Variants in EDIL3 observed in about 807,000 individuals in gnomAD.
The protein encoded by EDIL3 is EGF like and discoidin domains 3.
In EDIL3, 37 loss-of-function variants were observed where a neutral mutation model predicts 67.4. The ratio of observed to expected loss-of-function variants is 0.55; its 90% CI spans 0.42 to 0.72. The LOEUF (loss-of-function observed/expected upper bound fraction) is 0.72. Ranked by LOEUF, EDIL3 falls within the 30% of genes least tolerant of loss-of-function variation. EDIL3 has a pLI of 0.00. For synonymous variants in EDIL3, 195 were observed against 196.3 expected, an observed-to-expected ratio of 0.99 and a Z score of 0.05; for missense variants, 527 against 586.3, an observed-to-expected ratio of 0.90 and a Z score of 1.04.
intron 4 of EDIL3, among the ~76,000 whole-genome samples, chr5:84,156,696 T>C (rs899855194): frequency 6.6e-6 from 1 of 152,138 alleles, no homozygotes; most frequent in African/African-American, 2.4e-5. Flanking sequence ...TCACTATCTC[T>C]TGGCTTAGAT....
At chr5:84,306,686 G>T (rs2112136888) in intron 1 of EDIL3, among the ~76,000 whole-genome samples, 1 of 152,268 alleles carries the variant, frequency 6.6e-6, no homozygotes, top group South Asian at 2.1e-4. Context: ...TTATTATTTT[G>T]TGATATGAAG....
intron 4 of EDIL3, among the ~76,000 whole-genome samples, chr5:84,160,826 CTTTT>C (rs1268526453): frequency 1.9e-5 from 2 of 103,056 alleles, no homozygotes; most frequent in African/African-American, 7.7e-5. Flanking sequence ...TTTCCCTTTC[CTTTT>C]CCTTTCCTTT....
At chr5:84,310,396 T>C (rs943214169) in intron 1 of EDIL3, among the ~76,000 whole-genome samples, 1 of 152,206 alleles carries the variant, frequency 6.6e-6, no homozygotes, top group Admixed American at 6.5e-5. Flanking sequence ...GTCATTATGT[T>C]AAAACCATGT....
At chr5:84,330,735 CT>C (rs1344576188) in intron 1 of EDIL3, among the ~76,000 whole-genome samples, 1 of 152,136 alleles carries the variant, frequency 6.6e-6, no homozygotes, top group Non-Finnish European at 1.5e-5. Flanking sequence ...GCAAGGATGC[CT>C]GCAGTCAAAC....
chr5:84,127,542 A>C (rs958014196), intron 5 of EDIL3, among the ~76,000 whole-genome samples: 1 of 152,090 alleles, frequency 6.6e-6, no homozygotes, highest in Non-Finnish European at 1.5e-5. Context: ...ATTCTGGAAC[A>C]CTTGCAATCT....
In EDIL3 at chr5:84,059,666, C is replaced by CT. The variant is rs1261346570; in HGVS notation, c.1137+633dup. On this transcript the variant is annotated intron_variant, in intron 9 of 10. Coordinates refer to ENST00000296591, the MANE Select transcript of EDIL3 (RefSeq NM_005711.5). ...CTCATTATCGAATTGAGTTGTCTTA[C>CT]TTTTTGCCACAGAAGCCACTAACAA... Among the ~76,000 whole-genome samples, 5 of 152,230 alleles carry CT rather than the reference C, an allele frequency of 3.3e-5. No homozygotes were observed. In the South Asian group the frequency reaches 1.0e-3, roughly 32 times the overall value.
intron 1 of EDIL3, among the ~76,000 whole-genome samples, chr5:84,291,672 C>A (rs532467548): frequency 9.3e-5 from 10 of 107,596 alleles, no homozygotes; most frequent in African/African-American, 1.4e-4. Flanking sequence ...ATATATATAT[C>A]TATCTATATA....
In EDIL3 at chr5:84,256,115, TCTAA is replaced by T. The variant is rs201416817; in HGVS notation, c.68-1907_68-1904del. On this transcript the variant is annotated intron_variant, in intron 1 of 10. Coordinates refer to ENST00000296591, the MANE Select transcript of EDIL3 (RefSeq NM_005711.5). Reference sequence around the variant, plus strand: ...CTTGCTATCATTTATATACTTATCATCTAACTATCTATCTATCTATCTATCTATC... The same window carrying T: ...CTTGCTATCATTTATATACTTATCATCTATCTATCTATCTATCTATCTATC... Among the ~76,000 whole-genome samples the T allele has an allele frequency of 1.4e-3, 148 of 104,474 alleles. 2 individuals carry two copies. Among genetic ancestry groups the T allele is most frequent in the African/African-American group, 5.1e-3 (138 of 27,266 alleles). The allele number at this position is 104,474 out of a possible 152,430, so 68.5% of individuals were successfully genotyped here. A position where few individuals can be genotyped will look rare whatever the true frequency, so the allele number is the denominator to read the frequency against.
intron 1 of EDIL3, among the ~76,000 whole-genome samples, chr5:84,302,559 G>A (rs1403744369): frequency 1.3e-5 from 2 of 152,192 alleles, no homozygotes; most frequent in African/African-American, 2.4e-5. Flanking sequence ...GCCTCGCAAA[G>A]TGCTGAGATT....
chr5:84,126,327 A>C (rs1580339219), intron 5 of EDIL3, among the ~76,000 whole-genome samples: 2 of 152,042 alleles, frequency 1.3e-5, no homozygotes, highest in Non-Finnish European at 2.9e-5. Context: ...TAAACCATTA[A>C]CTCAGGTTTC....
At chr5:84,238,095 G>A (rs918133397) in intron 2 of EDIL3, among the ~76,000 whole-genome samples, 2 of 152,046 alleles carry the variant, frequency 1.3e-5, no homozygotes, top group African/African-American at 4.8e-5. Flanking sequence ...AAAAATAAAT[G>A]GTGATGAATT....
At chr5:84,247,484 T>A (rs1394199411) in intron 2 of EDIL3, among the ~76,000 whole-genome samples, 2 of 152,122 alleles carry the variant, frequency 1.3e-5, no homozygotes, top group Non-Finnish European at 2.9e-5. Context: ...ATTCATAGAG[T>A]GAAATGTACA....
chr5:84,025,598 G>A (rs945704583), intron 9 of EDIL3, among the ~76,000 whole-genome samples: 1 of 152,130 alleles, frequency 6.6e-6, no homozygotes, highest in Admixed American at 6.6e-5. Flanking sequence ...TGGAAAAATT[G>A]TCTTCCACTA....
At chr5:84,338,408 C>T (rs1747031894) in intron 1 of EDIL3, among the ~76,000 whole-genome samples, 1 of 152,152 alleles carries the variant, frequency 6.6e-6, no homozygotes, top group South Asian at 2.1e-4. Flanking sequence ...CATAAAGCAG[C>T]TATAAACTCA....
intron 10 of EDIL3, among the ~76,000 whole-genome samples, chr5:83,958,871 G>A (rs1341640334): frequency 3.3e-5 from 5 of 151,288 alleles, no homozygotes; most frequent in African/African-American, 9.7e-5. Context: ...AAATAAAAAT[G>A]TACCTGAATT....
At chr5:84,258,126 G>C (rs1286806167) in intron 1 of EDIL3, among the ~76,000 whole-genome samples, 1 of 152,132 alleles carries the variant, frequency 6.6e-6, no homozygotes, top group African/African-American at 2.4e-5. Context: ...TATAGATTTT[G>C]TTTAAAATCT....
At position 84,060,244 on chromosome 5, in the gene EDIL3, G is replaced by T. The variant is rs1561418544; in HGVS notation, c.1137+56C>A. 3 of 1,584,142 alleles carry T rather than the reference G, an allele frequency of 1.9e-6. No homozygotes were observed. The Admixed American group carries it at 5.3e-5, about 28-fold the overall frequency. On this transcript the variant is annotated intron_variant, in intron 9 of 10. Coordinates refer to ENST00000296591, the MANE Select transcript of EDIL3 (RefSeq NM_005711.5). Reference sequence around the variant, plus strand: ...ACTCTGACACTCACCTAATCAACAGGAAATCTTCTAAGAAAGAGGAACAGT... The same window carrying T: ...ACTCTGACACTCACCTAATCAACAGTAAATCTTCTAAGAAAGAGGAACAGT...
intron 4 of EDIL3, among the ~76,000 whole-genome samples, chr5:84,176,908 A>G (rs1748927989): frequency 6.6e-6 from 1 of 152,092 alleles, no homozygotes; most frequent in South Asian, 2.1e-4. Context: ...TCATTACCAT[A>G]AAAAGGACAT....
chr5:84,273,192 A>T, intron 1 of EDIL3, among the ~76,000 whole-genome samples: 1 of 152,054 alleles, frequency 6.6e-6, no homozygotes, highest in East Asian at 1.9e-4. Context: ...AGAATTGGAA[A>T]TTTTTCCCTC....
Sources: allele counts gnomAD v4.1 joint callset (sites outside exome capture counted in the v4.1 genomes callset), GRCh38; gene constraint gnomAD v4.1.1; transcripts MANE v1.5; gene names NCBI Gene and HGNC (gene_info 2026-07-23, HGNC 2026-07-21).